Variants in KIF1B observed in about 807,000 individuals in gnomAD.
KIF1B encodes kinesin family member 1B, also known as kinesin-like protein KIF1B.
In KIF1B, 76 loss-of-function variants were observed where a neutral mutation model predicts 241.9. The ratio of observed to expected loss-of-function variants is 0.31; its 90% confidence interval spans 0.26 to 0.38. The LOEUF (loss-of-function observed/expected upper bound fraction) is 0.38. KIF1B is among the 10% of genes least tolerant of loss of function. KIF1B has a pLI of 1.00. For missense variants in KIF1B, 1,622 were observed against 2,271.4 expected, an observed-to-expected ratio of 0.71 and a Z score of 5.81; for synonymous variants, 750 against 796.7, an observed-to-expected ratio of 0.94 and a Z score of 0.99.
chr1:10,319,466 A>G (rs1247270994), intron 22 of KIF1B, among the ~76,000 whole-genome samples: 1 of 152,228 alleles, frequency 6.6e-6, no homozygotes, highest in African/African-American at 2.4e-5. Context: ...AATGCAGTCT[A>G]TAAATTATTT....
In KIF1B at chr1:10,380,270, G is replaced by C. The variant is rs1215257214; in HGVS notation, c.*3683G>C. On this transcript the variant is annotated 3_prime_UTR_variant, in exon 49 of 49. Coordinates refer to ENST00000676179, the MANE Select transcript of KIF1B (RefSeq NM_001365951.3). ...TTGGAGAGAAAGGATTCTCCAGTGT[G>C]CACACTCATCGGTACTCTTTCTGCA... The C allele has an allele frequency of 9.4e-6, 2 of 212,156 alleles. No individual in the cohort carries two copies. The highest frequency in any genetic ancestry group is 3.1e-3 in the Middle Eastern group (2 of 654). 13.1% of individuals were successfully genotyped at this position (212,156 alleles called of 1,614,324 possible).
At chr1:10,287,100 T>C (rs1474309784) in intron 15 of KIF1B, among the ~76,000 whole-genome samples, 1 of 152,232 alleles carries the variant, frequency 6.6e-6, no homozygotes, top group Non-Finnish European at 1.5e-5. Context: ...TCACTTTTTC[T>C]TAACTTAGGG....
chr1:10,353,363 G>C (rs1652866611), intron 38 of KIF1B, among the ~76,000 whole-genome samples: 1 of 152,080 alleles, frequency 6.6e-6, no homozygotes, highest in Non-Finnish European at 1.5e-5. Context: ...TTTATAATCA[G>C]GTGATAACAG....
chr1:10,365,798 C>T lies in KIF1B; in HGVS notation c.4752+150C>T, dbSNP rs892994104. 2.6e-6 allele frequency: 3 copies of T among 1,155,534 alleles called. No homozygotes were observed. In the African/African-American group the frequency reaches 4.6e-5, roughly 18 times the overall value. 71.6% of individuals were successfully genotyped at this position (1,155,534 alleles called of 1,614,324 possible). A position where few individuals can be genotyped will look rare whatever the true frequency, so the allele number is the denominator to read the frequency against. On this transcript the variant is annotated intron_variant, in intron 43 of 48. Coordinates refer to ENST00000676179, the MANE Select transcript of KIF1B (RefSeq NM_001365951.3). The surrounding 1 kb of genome is among the most constrained non-coding windows in gnomAD (Gnocchi z 4.0). ...AGAAATAAAAAGACGCAGTTCCTAC[C>T]CTCAACAAGCTTACAGGGCCAGGCA...
chr1:10,270,411 A>T (rs1648724699), intron 7 of KIF1B, among the ~76,000 whole-genome samples: 1 of 152,180 alleles, frequency 6.6e-6, no homozygotes, highest in African/African-American at 2.4e-5. Context: ...TGTTGTGTTT[A>T]TCAATAGTTC....
At chr1:10,307,967 T>C (rs1650908852) in intron 22 of KIF1B, 5 of 1,055,518 alleles carry the variant, frequency 4.7e-6, no homozygotes, top group Non-Finnish European at 5.7e-6. Context: ...ATGGGAATTG[T>C]TTATTACATT....
At chr1:10,277,609 G>T (rs1285541284) in intron 12 of KIF1B, among the ~76,000 whole-genome samples, 1 of 152,132 alleles carries the variant, frequency 6.6e-6, no homozygotes, top group Non-Finnish European at 1.5e-5. Context: ...AAAGTGTTGG[G>T]ATTACAGGTG....
At chr1:10,250,306 G>C (rs1647365934) in intron 2 of KIF1B, among the ~76,000 whole-genome samples, 2 of 151,726 alleles carry the variant, frequency 1.3e-5, no homozygotes, top group South Asian at 4.2e-4. Flanking sequence ...TCATACCCAA[G>C]GTCGTAAAAA....
chr1:10,268,048 G>C, intron 6 of KIF1B, 104 bp from the exon 7 acceptor site: 1 of 780,102 alleles, frequency 1.3e-6, no homozygotes, highest in Non-Finnish European at 2.3e-6. Context: ...ATAAGTTTAA[G>C]ACTATTGCTT....
At position 10,368,430 on chromosome 1, in the gene KIF1B, T is replaced by C. The variant is rs142092509; in HGVS notation, c.4753-37T>C. 4.0e-5 allele frequency: 63 copies of C among 1,580,192 alleles called. No individual in the cohort carries two copies. In the East Asian group the frequency reaches 1.4e-3, roughly 35 times the overall value. ...TCCCAAGGCTCCTGGCTGTTGACAT[T>C]TTATGTTCAGCTTGCACTTCTCTTT... On this transcript the variant is annotated intron_variant, in intron 43 of 48. Transcript: ENST00000676179.
At position 10,279,152 on chromosome 1, in the gene KIF1B, A is replaced by G. The variant is rs1649274138; in HGVS notation, c.1222+14A>G. ...GTGGAAGCAAATGTGTGTATTTCACATATTGGTTATTTCCAGTACTCTGAC... is the reference window on the plus strand; with the variant it reads ...GTGGAAGCAAATGTGTGTATTTCACGTATTGGTTATTTCCAGTACTCTGAC... On this transcript the variant is annotated intron_variant, in intron 14 of 48. Transcript: ENST00000676179. The G allele has an allele frequency of 2.5e-6, 2 of 785,736 alleles. No homozygotes were observed. Among genetic ancestry groups the G allele is most frequent in the South Asian group, 4.0e-5 (2 of 50,234 alleles). The allele number at this position is 785,736 out of a possible 1,614,324, so 48.7% of individuals were successfully genotyped here.
chr1:10,280,276 C>CT (rs1649341346), intron 14 of KIF1B, among the ~76,000 whole-genome samples: 1 of 151,738 alleles, frequency 6.6e-6, no homozygotes. Context: ...TGCTTTGTCG[C>CT]TAGGCTGGAG....
chr1:10,318,774 T>C (rs1170679462), intron 22 of KIF1B, among the ~76,000 whole-genome samples: 1 of 152,188 alleles, frequency 6.6e-6, no homozygotes, highest in African/African-American at 2.4e-5. Flanking sequence ...ATGCTTATGC[T>C]GTAATTTAGT....
At chr1:10,235,862 CAAAAAAAAAAA>C (rs70997211) in intron 2 of KIF1B, among the ~76,000 whole-genome samples, 1 of 70,380 alleles carries the variant, frequency 1.4e-5, no homozygotes, top group Non-Finnish European at 2.7e-5. Flanking sequence ...AACACTGTCT[CAAAAAAAAAAA>C]AAAAAAAAAA....
chr1:10,268,004 G>A (rs1171573127), intron 6 of KIF1B, 148 bp from the exon 7 acceptor site: 3 of 702,218 alleles, frequency 4.3e-6, no homozygotes, highest in African/African-American at 3.5e-5. Context: ...AGTATTGAGA[G>A]CAATTGTGTA....
In KIF1B at chr1:10,380,840, G is replaced by C. The variant is rs560184142; in HGVS notation, c.*4253G>C. ...TCACCCCAGTGTGTGGCCAGACCAT[G>C]ACTGTGTAGCAGGAATGTTTTAATT... On this transcript the variant is annotated 3_prime_UTR_variant, in exon 49 of 49. Transcript: ENST00000676179. 1 of 220,712 alleles carries C rather than the reference G, an allele frequency of 4.5e-6. No homozygotes were observed. The highest frequency in any genetic ancestry group is 1.9e-4 in the South Asian group (1 of 5,392). The allele number at this position is 220,712 out of a possible 1,614,324, so 13.7% of individuals were successfully genotyped here.
At chr1:10,239,373 T>A (rs1647102003) in intron 2 of KIF1B, among the ~76,000 whole-genome samples, 1 of 152,168 alleles carries the variant, frequency 6.6e-6, no homozygotes, top group Non-Finnish European at 1.5e-5. Flanking sequence ...TGGTTTGCTT[T>A]TTTTATTTTC....
intron 22 of KIF1B, among the ~76,000 whole-genome samples, chr1:10,302,141 A>T (rs1650571408): frequency 6.6e-6 from 1 of 152,234 alleles, no homozygotes; most frequent in Non-Finnish European, 1.5e-5. Flanking sequence ...TCTAAGTTGT[A>T]CTTATTAAAA....
chr1:10,218,539 G>A (rs770886803), intron 1 of KIF1B, among the ~76,000 whole-genome samples: 11 of 151,864 alleles, frequency 7.2e-5, no homozygotes, highest in Non-Finnish European at 1.6e-4. Context: ...TCCTGCCTCA[G>A]CCTCCCGAGT....
Sources: gnomAD v4.1 joint callset for allele counts (sites outside exome capture counted in the v4.1 genomes callset) on GRCh38, gnomAD v4.1.1 for gene constraint, Gnocchi (gnomAD v3.1) non-coding constraint, MANE v1.5 for transcripts, NCBI Gene and HGNC (gene_info 2026-07-23, HGNC 2026-07-21) for gene names.